Variants in CEBPZOS observed in about 807,000 individuals in gnomAD.
CEBPZOS encodes the protein CEBPZ opposite strand, also known as protein CEBPZOS.
In CEBPZOS, 10 loss-of-function variants were observed where a neutral mutation model predicts 4.8. That is an observed-to-expected ratio of 2.07 (90% CI 1.28 to 3.52). CEBPZOS has a LOEUF of 3.52. Ranked by LOEUF, CEBPZOS falls within the 30% of genes most tolerant of loss-of-function variation. The pLI is 0.00. For missense variants in CEBPZOS, 98 were observed against 43.6 expected (o/e 2.25, Z -3.51); for synonymous variants, 25 against 14.2 (o/e 1.77, Z -1.72).
At chr2:37,207,813 C>T (rs1677589487), downstream of CEBPZOS, among the ~76,000 whole-genome samples, 1 of 151,920 alleles carries the variant, frequency 6.6e-6, no homozygotes, top group African/African-American at 2.4e-5. Context: ...CAGAGCAGAA[C>T]TAAATAAAAC....
intron 1 of CEBPZOS, among the ~76,000 whole-genome samples, chr2:37,197,837 G>T (rs986358650): frequency 2.0e-5 from 3 of 151,982 alleles, no homozygotes; most frequent in Admixed American, 2.0e-4. Flanking sequence ...CTGCACTCCT[G>T]CCTGGGAGAC....
chr2:37,208,037 T>C (rs1475336738), downstream of CEBPZOS, among the ~76,000 whole-genome samples: 1 of 152,032 alleles, frequency 6.6e-6, no homozygotes, highest in Non-Finnish European at 1.5e-5. Context: ...GCACAAAAAC[T>C]AGAAAACCTA....
chr2:37,212,043 GA>G (rs761901247), intron 4 of CEBPZOS: 2 of 1,572,646 alleles, frequency 1.3e-6, no homozygotes, highest in Non-Finnish European at 8.6e-7. Context: ...CACGTTTCTG[GA>G]AAAAAACACA....
chr2:37,216,115 T>C, downstream of CEBPZOS: 2 of 1,539,938 alleles, frequency 1.3e-6, no homozygotes, highest in South Asian at 2.3e-5. Context: ...CTTTTCAGTT[T>C]CAACTGTCTA....
At chr2:37,201,178 T>A in intron 3 of CEBPZOS, 86 bp downstream of exon 3, 1 of 671,866 alleles carries the variant, frequency 1.5e-6, no homozygotes, top group South Asian at 1.7e-5. Context: ...TACAAGGAAT[T>A]TCTAACAATA....
At position 37,201,110 on chromosome 2, in the gene CEBPZOS, T is replaced by C. The variant is rs571132605; in HGVS notation, c.160+18T>C. On this transcript the variant is annotated intron_variant, in intron 3 of 4. Transcript: ENST00000402297. The stretch of plus-strand genomic sequence containing the variant: ...CTTGGAAGGTATGTTTTTCCTTAAG[T>C]AAAAATAAGTATAAAACAACTTCTT... 3 of 712,574 alleles carry C rather than the reference T, an allele frequency of 4.2e-6. No individual in the cohort carries two copies. The highest frequency in any genetic ancestry group is 5.4e-5 in the East Asian group (2 of 37,182). 44.1% of individuals were successfully genotyped at this position (712,574 alleles called of 1,614,324 possible). A position where few individuals can be genotyped will look rare whatever the true frequency, so the allele number is the denominator to read the frequency against.
At chr2:37,210,140 G>C (rs1677674679) in intron 4 of CEBPZOS, 1 of 152,162 alleles carries the variant, frequency 6.6e-6, no homozygotes, top group Non-Finnish European at 1.5e-5. Flanking sequence ...ATGTTGGCAT[G>C]GATGTGGTAA....
downstream of CEBPZOS, chr2:37,215,358 T>C (rs79109559): frequency 0.012 from 1,781 of 154,384 alleles, 35 homozygotes; most frequent in African/African-American, 0.04. Flanking sequence ...TGCGTGCCAT[T>C]CTGGGAATAA....
At position 37,201,231 on chromosome 2, in the gene CEBPZOS, C is replaced by T. The variant is rs182222217; in HGVS notation, c.160+139C>T. ...AGTTCTTCTGAGACTAAATTCTCAT[C>T]TATTCTAGTGAGAGGAGAATTAGGT... is the stretch of plus-strand genomic sequence containing the variant. On this transcript the variant is annotated intron_variant, in intron 3 of 4. Transcript: ENST00000402297. 3.0e-5 allele frequency: 18 copies of T among 609,568 alleles called. No homozygotes were observed. The African/African-American group carries it at 3.3e-4, about 11-fold the overall frequency. The allele number at this position is 609,568 out of a possible 1,614,324, so 37.8% of individuals were successfully genotyped here.
At chr2:37,199,560 C>CA in intron 1 of CEBPZOS, 144 bp from the exon 2 acceptor site, 1 of 482,092 alleles carries the variant, frequency 2.1e-6, no homozygotes, top group Non-Finnish European at 3.8e-6. Flanking sequence ...ATGTCTAAAC[C>CA]AAAAAAGTAT....
chr2:37,205,894 G>A (rs553260443), downstream of CEBPZOS, among the ~76,000 whole-genome samples: 22 of 152,260 alleles, frequency 1.4e-4, no homozygotes, highest in South Asian at 4.4e-3. Context: ...AGAAGAGTTC[G>A]TATCATAATA....
chr2:37,207,807 G>T (rs1677589269), downstream of CEBPZOS, among the ~76,000 whole-genome samples: 1 of 152,020 alleles, frequency 6.6e-6, no homozygotes, highest in Non-Finnish European at 1.5e-5. Flanking sequence ...AAATATCAGA[G>T]CAGAACTAAA....
chr2:37,212,071 G>A, intron 4 of CEBPZOS: 1 of 1,542,214 alleles, frequency 6.5e-7, no homozygotes, highest in Non-Finnish European at 8.7e-7. Flanking sequence ...AATACAAGAG[G>A]AGGCAGTATT....
downstream of CEBPZOS, among the ~76,000 whole-genome samples, chr2:37,208,502 A>G (rs986160195): frequency 6.6e-6 from 1 of 152,226 alleles, no homozygotes; most frequent in African/African-American, 2.4e-5. Flanking sequence ...ACGCAAGTCA[A>G]TAAATATGAT....
chr2:37,206,931 ATAAACT>A (rs369402643), downstream of CEBPZOS, among the ~76,000 whole-genome samples: 143 of 152,348 alleles, frequency 9.4e-4, no homozygotes, highest in Middle Eastern at 3.4e-3. Context: ...AAGGACTCAC[ATAAACT>A]TAAGGTAAAG....
intron 3 of CEBPZOS, 161 bp from the exon 4 acceptor site, chr2:37,201,481 T>C: frequency 1.7e-6 from 1 of 578,904 alleles, no homozygotes; most frequent in Non-Finnish European, 3.1e-6. Flanking sequence ...ATTACAATGA[T>C]CAGAGATGCC....
downstream of CEBPZOS, among the ~76,000 whole-genome samples, chr2:37,206,794 T>C (rs990634428): frequency 6.6e-6 from 1 of 152,182 alleles, no homozygotes; most frequent in African/African-American, 2.4e-5. Context: ...ACTAGCATGA[T>C]GAATAGAATA....
At chr2:37,207,033 C>T (rs1261484573), downstream of CEBPZOS, among the ~76,000 whole-genome samples, 2 of 152,080 alleles carry the variant, frequency 1.3e-5, no homozygotes, top group Non-Finnish European at 2.9e-5. Context: ...GACTTTAAAG[C>T]AACAACAGTT....
At chr2:37,211,141 T>C in intron 4 of CEBPZOS, 1 of 1,093,608 alleles carries the variant, frequency 9.1e-7, no homozygotes, top group Non-Finnish European at 1.4e-6. Flanking sequence ...TGGAAAATAT[T>C]ACTCCAAGAT....
Sources: allele counts gnomAD v4.1 joint callset (sites outside exome capture counted in the v4.1 genomes callset), GRCh38; gene constraint gnomAD v4.1.1; transcripts MANE v1.5; gene names NCBI Gene and HGNC (gene_info 2026-07-23, HGNC 2026-07-21).